Variants in PARVA observed in about 807,000 individuals in gnomAD.
PARVA encodes the protein alpha-parvin.
Under a neutral mutation model 52.6 loss-of-function variants are expected in PARVA, and 25 were observed. That is an observed-to-expected ratio of 0.48 (90% CI 0.35 to 0.66). The LOEUF (loss-of-function observed/expected upper bound fraction) is 0.66. Ranked by LOEUF, PARVA falls within the 30% of genes least tolerant of loss-of-function variation. The pLI is 0.01. For synonymous variants in PARVA, 185 were observed against 179.1 expected, an observed-to-expected ratio of 1.03 and a Z score of -0.26; for missense variants, 373 against 450.9, an observed-to-expected ratio of 0.83 and a Z score of 1.56.
At chr11:12,389,514 A>G (rs754268246) in intron 1 of PARVA, among the ~76,000 whole-genome samples, 1 of 152,156 alleles carries the variant, frequency 6.6e-6, no homozygotes, top group Admixed American at 6.5e-5. Context: ...TTACAGACAC[A>G]TGGGAGGTAA....
At chr11:12,511,002 G>C (rs1589986398) in intron 7 of PARVA, among the ~76,000 whole-genome samples, 1 of 152,094 alleles carries the variant, frequency 6.6e-6, no homozygotes, top group East Asian at 1.9e-4. Flanking sequence ...CACTCTTTGA[G>C]AAAACCTACC....
At chr11:12,474,147 G>A (rs1012117251) in intron 3 of PARVA, among the ~76,000 whole-genome samples, 164 bp downstream of exon 3, 1 of 152,066 alleles carries the variant, frequency 6.6e-6, no homozygotes, top group South Asian at 2.1e-4. Flanking sequence ...CATCGAAAAC[G>A]TAACCGATTG....
chr11:12,468,430 C>T (rs7118651), intron 1 of PARVA, among the ~76,000 whole-genome samples: 2,733 of 152,208 alleles, frequency 0.018, 87 homozygotes, highest in African/African-American at 0.062. Context: ...AGATGTATTC[C>T]GGAGTAAAAG....
At chr11:12,517,327 A>ACCCCCCACCCCCCT (rs1941581550) in intron 10 of PARVA, among the ~76,000 whole-genome samples, 1 of 44,062 alleles carries the variant, frequency 2.3e-5, no homozygotes, top group African/African-American at 7.8e-5. Flanking sequence ...CCCACCCCCC[A>ACCCCCCACCCCCCT]CCATGCTCTG....
At chr11:12,421,148 G>T (rs1199430592) in intron 1 of PARVA, among the ~76,000 whole-genome samples, 1 of 151,762 alleles carries the variant, frequency 6.6e-6, no homozygotes, top group East Asian at 1.9e-4. Context: ...CAAGGTGGTG[G>T]GCTGGTAAGA....
At chr11:12,489,161 T>C (rs1210850606) in intron 4 of PARVA, among the ~76,000 whole-genome samples, 1 of 149,364 alleles carries the variant, frequency 6.7e-6, no homozygotes, top group Admixed American at 6.6e-5. Flanking sequence ...CCCACCTCTA[T>C]TTAAAAAAAA....
At chr11:12,522,526 C>G (rs1941650564) in intron 12 of PARVA, among the ~76,000 whole-genome samples, 1 of 149,442 alleles carries the variant, frequency 6.7e-6, no homozygotes, top group South Asian at 2.1e-4. Flanking sequence ...TCAAGAGATT[C>G]TCCTGCCTCA....
At chr11:12,488,659 T>C (rs1941193227) in intron 4 of PARVA, among the ~76,000 whole-genome samples, 1 of 152,200 alleles carries the variant, frequency 6.6e-6, no homozygotes, top group Non-Finnish European at 1.5e-5. Context: ...TAAATTATCT[T>C]AGCCTTGGAT....
At chr11:12,466,546 C>T (rs371795465) in intron 1 of PARVA, among the ~76,000 whole-genome samples, 11 of 152,054 alleles carry the variant, frequency 7.2e-5, no homozygotes, top group East Asian at 3.9e-4. Flanking sequence ...CCTTGTGATC[C>T]GCCCGCCTCG....
intron 12 of PARVA, among the ~76,000 whole-genome samples, chr11:12,521,717 TC>T (rs767211113): frequency 9.9e-5 from 15 of 152,124 alleles, no homozygotes; most frequent in Non-Finnish European, 1.9e-4. Flanking sequence ...TTATTATAAG[TC>T]GAAGTGGGAG....
intron 1 of PARVA, chr11:12,398,465 AC>A (rs146252999): frequency 0.089 from 13,291 of 150,130 alleles, 714 homozygotes; most frequent in African/African-American, 0.14. Flanking sequence ...GCACAGGAGG[AC>A]AGGGGTCCCT....
At chr11:12,413,885 A>G (rs1390631190) in intron 1 of PARVA, among the ~76,000 whole-genome samples, 1 of 152,250 alleles carries the variant, frequency 6.6e-6, no homozygotes, top group Admixed American at 6.5e-5. Flanking sequence ...TAACCAGAGA[A>G]CAAAGCAGTT....
At chr11:12,485,342 G>T (rs1465519892) in intron 4 of PARVA, among the ~76,000 whole-genome samples, 1 of 152,152 alleles carries the variant, frequency 6.6e-6, no homozygotes, top group Non-Finnish European at 1.5e-5. Flanking sequence ...CAGCTCCCAG[G>T]TCGTGGTTTT....
At position 12,534,784 on chromosome 11, in the gene PARVA, C is replaced by G. The variant is rs768752731; in HGVS notation, c.*6859C>G. 1.4e-4 allele frequency among the ~76,000 whole-genome samples: 21 copies of G among 152,232 alleles called. No individual in the cohort carries two copies. The highest frequency in any genetic ancestry group is 2.6e-4 in the Non-Finnish European group (18 of 68,044). On this transcript the variant is annotated 3_prime_UTR_variant, in exon 13 of 13. Transcript: ENST00000334956. ...CTATGTGTCTTCCTGGAAACCCTGT[C>G]AAAGGCCTTACCGCCTGCCTGGAGA...
In PARVA at chr11:12,517,597, GC is replaced by G; in HGVS notation, c.868-12del. 6.4e-7 allele frequency: 1 copy of G among 1,570,388 alleles called. No individual in the cohort carries two copies. Among genetic ancestry groups the G allele is most frequent in the Non-Finnish European group, 8.7e-7 (1 of 1,153,864 alleles). On this transcript the variant is annotated splice_polypyrimidine_tract_variant and intron_variant, in intron 10 of 12. Coordinates refer to ENST00000334956, the MANE Select transcript of PARVA (RefSeq NM_018222.5). ...GCTCAGGGGCCAGTGCCATCACCTG[GC>G]TCTTCCTCCAGTTTGCAGATGGGGT...
chr11:12,438,951 C>G (rs1169851095), intron 1 of PARVA, among the ~76,000 whole-genome samples: 2 of 152,112 alleles, frequency 1.3e-5, no homozygotes, highest in Non-Finnish European at 2.9e-5. Context: ...TAAAAATTGG[C>G]CCAGCAGTTC....
chr11:12,467,659 G>A (rs1019809120), intron 1 of PARVA, among the ~76,000 whole-genome samples: 1 of 152,170 alleles, frequency 6.6e-6, no homozygotes, highest in African/African-American at 2.4e-5. Context: ...AGAAATTAAG[G>A]GAGCTTTAAT....
intron 1 of PARVA, among the ~76,000 whole-genome samples, chr11:12,407,663 A>G (rs978628735): frequency 2.0e-5 from 3 of 152,158 alleles, no homozygotes; most frequent in South Asian, 2.1e-4. Context: ...AGCTGCTCAA[A>G]TGATCACCAG....
chr11:12,487,405 G>A (rs1203895172), intron 4 of PARVA, among the ~76,000 whole-genome samples: 1 of 152,140 alleles, frequency 6.6e-6, no homozygotes, highest in African/African-American at 2.4e-5. Flanking sequence ...CAGGAAGGTG[G>A]CTTTAAAAAC....
Sources: allele counts gnomAD v4.1 joint callset (sites outside exome capture counted in the v4.1 genomes callset), GRCh38; gene constraint gnomAD v4.1.1; transcripts MANE v1.5; gene names NCBI Gene and HGNC (gene_info 2026-07-23, HGNC 2026-07-21).